Variants in SCD observed in about 807,000 individuals in gnomAD.
The protein encoded by SCD is stearoyl-CoA desaturase, also known as acyl-CoA desaturase.
SCD carries 4 observed loss-of-function variants against 35.7 expected under a neutral mutation model. The ratio of observed to expected loss-of-function variants is 0.11; its 90% CI spans 0.06 to 0.26. SCD has a LOEUF of 0.26. SCD is among the 10% of genes least tolerant of loss of function. The pLI, the probability that SCD is intolerant of heterozygous loss-of-function variation, is 1.00. For synonymous variants in SCD, 150 were observed against 170.2 expected (o/e 0.88, Z 0.92); for missense variants, 282 against 460.7 (o/e 0.61, Z 3.55).
chr10:100,352,470 A>T lies in SCD; in HGVS notation c.415A>T (p.Ile139Phe). The T allele has an allele frequency of 1.2e-6, 2 of 1,613,998 alleles. No homozygotes were observed. Among genetic ancestry groups the T allele is most frequent in the Non-Finnish European group, 1.7e-6 (2 of 1,180,010 alleles). ...KARLPLRLFLIIANTMAFQND... is the reference protein window; with the variant it reads ...KARLPLRLFLFIANTMAFQND... ...TCGGCTGCCCCTACGGCTCTTTCTG[A>T]TCATTGCCAACACAATGGCATTCCA... The change falls in exon 3 of 6, where the codon ATC becomes TTC. Residue 139 changes from isoleucine (I) to phenylalanine (F), a missense_variant. Around this residue, in one of 2 missense-constraint regions of SCD, gnomAD observed 205 missense variants for 372.3 expected, o/e 0.55. Transcript: ENST00000370355. The surrounding 1 kb of genome is among the most constrained non-coding windows in gnomAD (Gnocchi z 4.2).
At chr10:100,350,679 T>TA (rs1325783705) in intron 2 of SCD, among the ~76,000 whole-genome samples, 1 of 152,238 alleles carries the variant, frequency 6.6e-6, no homozygotes, top group Non-Finnish European at 1.5e-5. Context: ...ATTTCCCTGT[T>TA]AATATAGGAT....
chr10:100,360,870 C>T lies in SCD; in HGVS notation c.1017C>T (p.Val339=), dbSNP rs1393390041. Reference sequence around the variant, plus strand: ...GTCTGGCCTATGACCGGAAGAAAGTCTCCAAGGCCGCCATCTTGGCCAGGA... The same window carrying T: ...GTCTGGCCTATGACCGGAAGAAAGTTTCCAAGGCCGCCATCTTGGCCAGGA... ...ALGLAYDRKK[V]SKAAILARIK... is the part of the protein sequence containing the mutation. The change falls in exon 6 of 6, where the codon GTC becomes GTT. Residue 339 remains valine (V), a synonymous_variant. Coordinates refer to ENST00000370355, the MANE Select transcript of SCD (RefSeq NM_005063.5). 1 of 1,613,982 alleles carries T rather than the reference C, an allele frequency of 6.2e-7. No homozygotes were observed. Among genetic ancestry groups the T allele is most frequent in the Admixed American group, 1.7e-5 (1 of 60,020 alleles).
intron 4 of SCD, among the ~76,000 whole-genome samples, chr10:100,355,748 G>A (rs940581742): frequency 2.0e-5 from 3 of 152,166 alleles, no homozygotes; most frequent in South Asian, 2.1e-4. Context: ...CTTGACTGCT[G>A]AAGGAATGTA....
rs954349628 is a variant in SCD, at chr10:100,364,622, G to T, written c.*3689G>T. 1.3e-5 allele frequency: 2 copies of T among 152,576 alleles called. No homozygotes were observed. Among genetic ancestry groups the T allele is most frequent in the African/African-American group, 4.8e-5 (2 of 41,428 alleles). 9.5% of individuals were successfully genotyped at this position (152,576 alleles called of 1,614,324 possible). On this transcript the variant is annotated 3_prime_UTR_variant, in exon 6 of 6. Coordinates refer to ENST00000370355, the MANE Select transcript of SCD (RefSeq NM_005063.5). ...GGATAACTAGCCAGACAAAATTTGA[G>T]AATACATAAACAACGCATTGCCACG...
Position 100,352,488 on chromosome 10 carries a change from G to A in SCD, c.433G>A (p.Ala145Thr). 1 of 1,613,728 alleles carries A rather than the reference G, an allele frequency of 6.2e-7. No homozygotes were observed. The highest frequency in any genetic ancestry group is 1.3e-5 in the African/African-American group (1 of 75,030). ...CTTTCTGATCATTGCCAACACAATG[G>A]CATTCCAGGTAAGAAGTTGTCTCTG... Reference protein sequence around the residue: ...RLFLIIANTMAFQNDVYEWAR... With the variant: ...RLFLIIANTMTFQNDVYEWAR... The change falls in exon 3 of 6, where the codon GCA becomes ACA. Residue 145 changes from alanine to threonine, a missense_variant. Transcript: ENST00000370355. The surrounding 1 kb of genome is among the most constrained non-coding windows in gnomAD (Gnocchi z 4.2).
In SCD at chr10:100,348,199, T is replaced by G. The variant is rs138179199; in HGVS notation, c.163T>G (p.Tyr55Asp). 6.2e-7 allele frequency: 1 copy of G among 1,613,950 alleles called. No homozygotes were observed. Among genetic ancestry groups the G allele is most frequent in the African/African-American group, 1.3e-5 (1 of 74,884 alleles). The change falls in exon 2 of 6, where the codon TAT becomes GAT. Residue 55 changes from tyrosine (Y) to aspartate (D), a missense_variant. Around this residue, in one of 2 missense-constraint regions of SCD, gnomAD observed 77 missense variants for 88.4 expected, o/e 0.87. Coordinates refer to ENST00000370355, the MANE Select transcript of SCD (RefSeq NM_005063.5). ...TCGCCCTGATATAAAAGATGATATA[T>G]ATGACCCCACCTACAAGGATAAGGA... Reference protein sequence around the residue: ...DIRPDIKDDIYDPTYKDKEGP... With the variant: ...DIRPDIKDDIDDPTYKDKEGP...
rs1849987248 is a variant in SCD, at chr10:100,361,253, CA to C, written c.*323del. On this transcript the variant is annotated 3_prime_UTR_variant, in exon 6 of 6. Coordinates refer to ENST00000370355, the MANE Select transcript of SCD (RefSeq NM_005063.5). Reference sequence around the variant, plus strand: ...CAGTCTTTGCTCAGTGTCCAGCTTCCAAAGCCTAGACAACCTTTCTGTAGCC... The same window carrying C: ...CAGTCTTTGCTCAGTGTCCAGCTTCCAAGCCTAGACAACCTTTCTGTAGCC... 1 of 327,238 alleles carries C rather than the reference CA, an allele frequency of 3.1e-6. No individual in the cohort carries two copies. Among genetic ancestry groups the C allele is most frequent in the Admixed American group, 4.8e-5 (1 of 21,036 alleles). The allele number at this position is 327,238 out of a possible 1,614,324, so 20.3% of individuals were successfully genotyped here. A position where few individuals can be genotyped will look rare whatever the true frequency, so the allele number is the denominator to read the frequency against.
Position 100,364,430 on chromosome 10 carries a change from C to T in SCD, c.*3497C>T, listed in dbSNP as rs199893695. Reference sequence around the variant, plus strand: ...GGGCAGTTTTGAGGCATGACTAATGCTTTTTAGAAAGCATTTTGGGATCCT... The same window carrying T: ...GGGCAGTTTTGAGGCATGACTAATGTTTTTTAGAAAGCATTTTGGGATCCT... On this transcript the variant is annotated 3_prime_UTR_variant, in exon 6 of 6. Transcript: ENST00000370355. 3 of 152,512 alleles carry T rather than the reference C, an allele frequency of 2.0e-5. No homozygotes were observed. The highest frequency in any genetic ancestry group is 2.9e-5 in the Non-Finnish European group (2 of 68,028). The allele number at this position is 152,512 out of a possible 1,614,324, so 9.4% of individuals were successfully genotyped here.
At chr10:100,359,440 C>G (rs1001198692) in intron 5 of SCD, among the ~76,000 whole-genome samples, 3 of 151,480 alleles carry the variant, frequency 2.0e-5, no homozygotes, top group Non-Finnish European at 4.4e-5. Flanking sequence ...CTTTTTTTTT[C>G]CTCCCTTGTC....
Position 100,361,148 on chromosome 10 carries a change from C to T in SCD, c.*215C>T. 3 of 560,292 alleles carry T rather than the reference C, an allele frequency of 5.4e-6. No homozygotes were observed. The highest frequency in any genetic ancestry group is 9.5e-6 in the Non-Finnish European group (3 of 316,712). The allele number at this position is 560,292 out of a possible 1,614,324, so 34.7% of individuals were successfully genotyped here. Reference sequence around the variant, plus strand: ...TTATTTCTTCTCTTATCCTCTCTCTCTTCTAGGCCCATTGTCCTCCTTTTC... The same window carrying T: ...TTATTTCTTCTCTTATCCTCTCTCTTTTCTAGGCCCATTGTCCTCCTTTTC... On this transcript the variant is annotated 3_prime_UTR_variant, in exon 6 of 6. Coordinates refer to ENST00000370355, the MANE Select transcript of SCD (RefSeq NM_005063.5).
At position 100,364,625 on chromosome 10, in the gene SCD, T is replaced by A. The variant is rs187307922; in HGVS notation, c.*3692T>A. ...TAACTAGCCAGACAAAATTTGAGAA[T>A]ACATAAACAACGCATTGCCACGGAA... is the stretch of plus-strand genomic sequence containing the variant. On this transcript the variant is annotated 3_prime_UTR_variant, in exon 6 of 6. Coordinates refer to ENST00000370355, the MANE Select transcript of SCD (RefSeq NM_005063.5). 105 of 152,760 alleles carry A rather than the reference T, an allele frequency of 6.9e-4. No homozygotes were observed. The highest frequency in any genetic ancestry group is 2.2e-3 in the African/African-American group (90 of 41,580). The allele number at this position is 152,760 out of a possible 1,614,324, so 9.5% of individuals were successfully genotyped here.
At chr10:100,349,073 T>A (rs1849842845) in intron 2 of SCD, among the ~76,000 whole-genome samples, 1 of 152,200 alleles carries the variant, frequency 6.6e-6, no homozygotes, top group African/African-American at 2.4e-5. Context: ...GCCCCCCTAC[T>A]GATGCCATGA....
chr10:100,351,910 T>A (rs1461115885), intron 2 of SCD, among the ~76,000 whole-genome samples: 1 of 152,118 alleles, frequency 6.6e-6, no homozygotes. Flanking sequence ...CCCAAAATGC[T>A]GGGATGACAA....
rs1849928192 is a variant in SCD, at chr10:100,356,420, C to T, written c.648-112C>T. 1 of 762,188 alleles carries T rather than the reference C, an allele frequency of 1.3e-6. No individual in the cohort carries two copies. The highest frequency in any genetic ancestry group is 2.6e-5 in the East Asian group (1 of 38,570). 47.2% of individuals were successfully genotyped at this position (762,188 alleles called of 1,614,324 possible). Reference sequence around the variant, plus strand: ...ATAAAACAATGAACTTAGAGTCAGACAAGCAATTCAACATGGAAGAAAGAC... The same window carrying T: ...ATAAAACAATGAACTTAGAGTCAGATAAGCAATTCAACATGGAAGAAAGAC... On this transcript the variant is annotated intron_variant, in intron 4 of 5. Transcript: ENST00000370355. This position sits in a 1 kb window ranked among gnomAD's most constrained non-coding sequence, Gnocchi z 4.1.
intron 2 of SCD, 21 bp downstream of exon 2, chr10:100,348,367 C>G: frequency 6.2e-6 from 10 of 1,609,310 alleles, no homozygotes; most frequent in Non-Finnish European, 8.5e-6. Context: ...TCCCTGTCCT[C>G]CTGACCTAGT....
chr10:100,352,931 T>C lies in SCD; in HGVS notation c.441+435T>C, dbSNP rs1041365228. Among the ~76,000 whole-genome samples, 4 of 151,980 alleles carry C rather than the reference T, an allele frequency of 2.6e-5. No individual in the cohort carries two copies. Among genetic ancestry groups the C allele is most frequent in the Admixed American group, 2.6e-4 (4 of 15,248 alleles). On this transcript the variant is annotated intron_variant, in intron 3 of 5. Transcript: ENST00000370355. The surrounding 1 kb of genome is among the most constrained non-coding windows in gnomAD (Gnocchi z 4.2). The stretch of plus-strand genomic sequence containing the variant: ...GGAGCCCAGGAGTTTGAAGCTGCAG[T>C]GAGCCATGATATCACCACTGCACTC...
chr10:100,356,762 T>C lies in SCD; in HGVS notation c.878T>C (p.Val293Ala). 6.2e-7 allele frequency: 1 copy of C among 1,613,058 alleles called. No homozygotes were observed. The highest frequency in any genetic ancestry group is 8.5e-7 in the Non-Finnish European group (1 of 1,179,068). ...AATATCCTGGTTTCACTTGGAGCTG[T>C]GGGTAAGTCAGCTGTCCAAGTAAGA... ...RENILVSLGA[V>A]GEGFHNYHHS... The change falls in exon 5 of 6, where the codon GTG becomes GCG. Residue 293 changes from valine to alanine, a missense_variant and splice_region_variant. Coordinates refer to ENST00000370355, the MANE Select transcript of SCD (RefSeq NM_005063.5). This position sits in a 1 kb window ranked among gnomAD's most constrained non-coding sequence, Gnocchi z 4.1.
rs753121463 is a variant in SCD at position 100,347,473 on chromosome 10, C to G, written c.-32C>G. ...AACTCCGCTCCGGAGCCTCAGCCCC[C>G]TGGAAAGTGATCCCGGCATCCGAGA... On this transcript the variant is annotated 5_prime_UTR_variant, in exon 1 of 6. Transcript: ENST00000370355. The G allele has an allele frequency of 2.7e-5, 44 of 1,613,184 alleles. No homozygotes were observed. In the South Asian group the frequency reaches 4.5e-4, roughly 17 times the overall value.
chr10:100,347,495 G>A lies in SCD; in HGVS notation c.-10G>A. 2.5e-6 allele frequency: 4 copies of A among 1,613,902 alleles called. No individual in the cohort carries two copies. The highest frequency in any genetic ancestry group is 3.4e-6 in the Non-Finnish European group (4 of 1,179,956). Reference sequence around the variant, plus strand: ...CCCCTGGAAAGTGATCCCGGCATCCGAGAGCCAAGATGCCGGCCCACTTGC... The same window carrying A: ...CCCCTGGAAAGTGATCCCGGCATCCAAGAGCCAAGATGCCGGCCCACTTGC... On this transcript the variant is annotated 5_prime_UTR_variant, in exon 1 of 6. Coordinates refer to ENST00000370355, the MANE Select transcript of SCD (RefSeq NM_005063.5).
Sources: gnomAD v4.1 joint callset for allele counts (sites outside exome capture counted in the v4.1 genomes callset) on GRCh38, gnomAD v4.1.1 for gene constraint, gnomAD v4.1.1 regional missense constraint, Gnocchi (gnomAD v3.1) non-coding constraint, MANE v1.5 for transcripts, NCBI Gene and HGNC (gene_info 2026-07-23, HGNC 2026-07-21) for gene names.